Variants in NFIA observed in about 807,000 individuals in gnomAD.
NFIA encodes the protein nuclear factor 1 A-type.
In NFIA, 8 loss-of-function variants were observed where a neutral mutation model predicts 62.8. The ratio of observed to expected loss-of-function variants is 0.13; its 90% CI spans 0.07 to 0.23. NFIA has a LOEUF of 0.23. Ranked by LOEUF, NFIA falls within the 10% of genes least tolerant of loss-of-function variation. The pLI is 1.00. For missense variants in NFIA, 410 were observed against 642.1 expected, an observed-to-expected ratio of 0.64 and a Z score of 3.91; for synonymous variants, 235 against 238.1, an observed-to-expected ratio of 0.99 and a Z score of 0.12.
chr1:61,269,504 GATGT>G (rs2100259796), intron 2 of NFIA, among the ~76,000 whole-genome samples: 1 of 152,278 alleles, frequency 6.6e-6, no homozygotes, highest in South Asian at 2.1e-4. Context: ...GTTAGAGCTG[GATGT>G]ATTTTTTTTT....
intron 7 of NFIA, among the ~76,000 whole-genome samples, chr1:61,400,047 G>A (rs751157695): frequency 1.3e-5 from 2 of 152,176 alleles, no homozygotes; most frequent in Admixed American, 6.5e-5. Flanking sequence ...ACCAAGAGAG[G>A]ATTTTTAAGA....
At chr1:61,291,532 A>T (rs974830248) in intron 3 of NFIA, among the ~76,000 whole-genome samples, 5 of 152,336 alleles carry the variant, frequency 3.3e-5, no homozygotes, top group Admixed American at 3.3e-4. Context: ...TTGTTTGAAT[A>T]TGTTAATTTG....
chr1:61,203,530 A>G (rs1254057317), intron 2 of NFIA, among the ~76,000 whole-genome samples: 3 of 152,088 alleles, frequency 2.0e-5, no homozygotes, highest in African/African-American at 7.2e-5. Context: ...CTCATCCTTC[A>G]GGCTGCCTCA....
chr1:61,082,099 T>A, upstream of NFIA: 2 of 1,500,850 alleles, frequency 1.3e-6, no homozygotes, highest in Middle Eastern at 2.2e-4. Context: ...GGAAAAGTAG[T>A]TTTGTTTGCT....
chr1:61,098,899 T>TAC (rs779580733), intron 2 of NFIA, among the ~76,000 whole-genome samples: 2 of 152,104 alleles, frequency 1.3e-5, no homozygotes, highest in African/African-American at 4.8e-5. Flanking sequence ...TATGTAGTAA[T>TAC]ACACACACAC....
intron 2 of NFIA, among the ~76,000 whole-genome samples, chr1:61,165,680 C>T (rs369367480): frequency 1.9e-4 from 29 of 152,208 alleles, no homozygotes; most frequent in African/African-American, 6.7e-4. Flanking sequence ...AATATTTCTG[C>T]CAATTTGGTC....
chr1:61,245,432 T>C (rs1193404437), intron 2 of NFIA, among the ~76,000 whole-genome samples: 1 of 152,170 alleles, frequency 6.6e-6, no homozygotes, highest in Non-Finnish European at 1.5e-5. Flanking sequence ...GTCGAAGCTT[T>C]TGTTCTTCAG....
At chr1:61,405,019 A>C (rs1431658114) in intron 8 of NFIA, among the ~76,000 whole-genome samples, 5 of 152,208 alleles carry the variant, frequency 3.3e-5, no homozygotes, top group Non-Finnish European at 5.9e-5. Flanking sequence ...AATAATAATA[A>C]ACAACGACCA....
intron 3 of NFIA, among the ~76,000 whole-genome samples, chr1:61,295,145 G>A (rs150502210): frequency 8.4e-4 from 128 of 152,268 alleles, no homozygotes; most frequent in African/African-American, 2.7e-3. Flanking sequence ...CCTCATATGC[G>A]CATAGCCATC....
chr1:61,343,703 C>T (rs1236421636), intron 4 of NFIA, among the ~76,000 whole-genome samples: 1 of 152,162 alleles, frequency 6.6e-6, no homozygotes, highest in African/African-American at 2.4e-5. Flanking sequence ...AAGTAGAAAA[C>T]AGGAGATCAG....
intron 6 of NFIA, among the ~76,000 whole-genome samples, chr1:61,369,891 T>C (rs1024395468): frequency 6.6e-6 from 1 of 152,224 alleles, no homozygotes; most frequent in Non-Finnish European, 1.5e-5. Flanking sequence ...TAGGGTCTTA[T>C]ATTTTTCCTA....
At chr1:61,120,270 T>C (rs879707048) in intron 2 of NFIA, among the ~76,000 whole-genome samples, 1 of 152,190 alleles carries the variant, frequency 6.6e-6, no homozygotes, top group Non-Finnish European at 1.5e-5. Flanking sequence ...TGAAATTCAA[T>C]AAGTAATGCC....
At position 61,281,820 on chromosome 1, in the gene NFIA, A is replaced by T. The variant is rs549887022; in HGVS notation, c.625+4235A>T. Among the ~76,000 whole-genome samples the T allele has an allele frequency of 1.6e-3, 245 of 152,202 alleles. 1 individual carries two copies. The highest frequency in any genetic ancestry group is 2.5e-3 in the Non-Finnish European group (172 of 67,986). Reference sequence around the variant, plus strand: ...GTAGGATTTATGACAAATTCCTTTTAAAAAAAATCCTGCACAGCCCGTAGA... The same window carrying T: ...GTAGGATTTATGACAAATTCCTTTTTAAAAAAATCCTGCACAGCCCGTAGA... On this transcript the variant is annotated intron_variant, in intron 3 of 10. Transcript: ENST00000403491.
chr1:61,250,308 T>A (rs1328392061), intron 2 of NFIA, among the ~76,000 whole-genome samples: 2 of 152,234 alleles, frequency 1.3e-5, no homozygotes, highest in Non-Finnish European at 2.9e-5. Flanking sequence ...AAGACTTTTA[T>A]AATGTCTACT....
chr1:61,255,527 G>A (rs1656330417), intron 2 of NFIA, among the ~76,000 whole-genome samples: 1 of 152,216 alleles, frequency 6.6e-6, no homozygotes, highest in Non-Finnish European at 1.5e-5. Flanking sequence ...AAGGGAAACA[G>A]ACTAAGGAGA....
intron 6 of NFIA, among the ~76,000 whole-genome samples, chr1:61,369,492 T>A (rs1182955239): frequency 6.6e-6 from 1 of 152,130 alleles, no homozygotes; most frequent in African/African-American, 2.4e-5. Flanking sequence ...TGTTTTCCTA[T>A]ATCTAATATT....
At chr1:61,428,523 T>C (rs1336308276) in intron 10 of NFIA, among the ~76,000 whole-genome samples, 1 of 151,970 alleles carries the variant, frequency 6.6e-6, no homozygotes, top group Non-Finnish European at 1.5e-5. Context: ...ACTATGTTAA[T>C]GGAGTTGTCA....
chr1:61,172,971 G>T (rs1185957762), intron 2 of NFIA, among the ~76,000 whole-genome samples: 1 of 152,138 alleles, frequency 6.6e-6, no homozygotes, highest in Non-Finnish European at 1.5e-5. Flanking sequence ...TTTCTCATTT[G>T]ATTTTTCTGA....
At chr1:61,437,975 G>A (rs1044151541) in intron 10 of NFIA, among the ~76,000 whole-genome samples, 3 of 152,136 alleles carry the variant, frequency 2.0e-5, no homozygotes, top group Admixed American at 6.5e-5. Flanking sequence ...GTGGGAGATG[G>A]GAAGCAGGTG....
Sources: gnomAD v4.1 joint callset for allele counts (sites outside exome capture counted in the v4.1 genomes callset) on GRCh38, gnomAD v4.1.1 for gene constraint, MANE v1.5 for transcripts, NCBI Gene and HGNC (gene_info 2026-07-23, HGNC 2026-07-21) for gene names.